Variants in CNTN1 observed in about 807,000 individuals in gnomAD.
CNTN1 encodes contactin-1.
CNTN1 carries 38 observed loss-of-function variants against 126.4 expected under a neutral mutation model. That is an observed-to-expected ratio of 0.30 (90% confidence interval 0.23 to 0.39). The LOEUF (loss-of-function observed/expected upper bound fraction) is 0.39, where lower values mean the gene tolerates loss of function less well. Ranked by LOEUF, CNTN1 falls within the 10% of genes least tolerant of loss-of-function variation. The pLI is 1.00. For synonymous variants in CNTN1, 413 were observed against 422.6 expected, an observed-to-expected ratio of 0.98 and a Z score of 0.28; for missense variants, 1,009 against 1,248.4, an observed-to-expected ratio of 0.81 and a Z score of 2.89.
chr12:40,734,064 A>G (rs554063597), intron 1 of CNTN1, among the ~76,000 whole-genome samples: 37 of 152,234 alleles, frequency 2.4e-4, no homozygotes, highest in African/African-American at 8.7e-4. Flanking sequence ...GTAAAAAGCC[A>G]TATTCATGAA....
intron 17 of CNTN1, among the ~76,000 whole-genome samples, chr12:41,012,138 G>C (rs1360593926): frequency 6.6e-6 from 1 of 152,090 alleles, no homozygotes; most frequent in Non-Finnish European, 1.5e-5. Flanking sequence ...GAGATGCCAT[G>C]TGCTCTCCAG....
At chr12:40,761,175 A>G (rs1244024104) in intron 1 of CNTN1, among the ~76,000 whole-genome samples, 1 of 152,150 alleles carries the variant, frequency 6.6e-6, no homozygotes, top group Non-Finnish European at 1.5e-5. Flanking sequence ...TTCATGTACT[A>G]TGGAGTTGTC....
chr12:41,064,494 T>C (rs1950008558), intron 23 of CNTN1, among the ~76,000 whole-genome samples: 1 of 152,376 alleles, frequency 6.6e-6, no homozygotes, highest in Non-Finnish European at 1.5e-5. Context: ...GTAGTAGGAA[T>C]TGCTACCATT....
intron 1 of CNTN1, among the ~76,000 whole-genome samples, chr12:40,866,042 A>G (rs1943283210): frequency 6.6e-6 from 1 of 151,990 alleles, no homozygotes; most frequent in African/African-American, 2.4e-5. Context: ...TCTTTCATCA[A>G]ATTCTTTCCT....
At chr12:40,766,671 T>C (rs957130586) in intron 1 of CNTN1, among the ~76,000 whole-genome samples, 1 of 152,052 alleles carries the variant, frequency 6.6e-6, no homozygotes, top group Admixed American at 6.5e-5. Flanking sequence ...TATATTAGAG[T>C]GTGATACATG....
chr12:40,920,151 C>A (rs1565948886), intron 4 of CNTN1, among the ~76,000 whole-genome samples: 1 of 152,094 alleles, frequency 6.6e-6, no homozygotes, highest in Non-Finnish European at 1.5e-5. Flanking sequence ...CTTTCAGTGA[C>A]ACTTATGCTG....
At chr12:40,852,772 T>A (rs911631828) in intron 1 of CNTN1, among the ~76,000 whole-genome samples, 1 of 152,130 alleles carries the variant, frequency 6.6e-6, no homozygotes, top group Non-Finnish European at 1.5e-5. Flanking sequence ...TGTGAAAACT[T>A]TATGTATCTC....
chr12:41,005,917 C>T (rs1269340398), intron 17 of CNTN1, among the ~76,000 whole-genome samples: 1 of 152,144 alleles, frequency 6.6e-6, no homozygotes, highest in Non-Finnish European at 1.5e-5. Context: ...AATTCTATTT[C>T]TGTGAATCCA....
At chr12:40,996,585 T>A (rs1194745901) in intron 17 of CNTN1, among the ~76,000 whole-genome samples, 2 of 152,340 alleles carry the variant, frequency 1.3e-5, no homozygotes, top group South Asian at 4.1e-4. Flanking sequence ...CCTTTAAAAA[T>A]TTAATATGCT....
At chr12:40,897,901 C>T (rs186313511) in intron 1 of CNTN1, among the ~76,000 whole-genome samples, 67 of 152,228 alleles carry the variant, frequency 4.4e-4, no homozygotes, top group African/African-American at 1.6e-3. Context: ...GTGAAAGAAA[C>T]AAAAGTTCAA....
At chr12:40,948,361 A>C (rs968920758) in intron 14 of CNTN1, among the ~76,000 whole-genome samples, 11 of 151,362 alleles carry the variant, frequency 7.3e-5, no homozygotes, top group African/African-American at 2.7e-4. Context: ...CCAAAAAAAA[A>C]AAAAAATCTG....
At chr12:40,783,622 C>G (rs1190921874) in intron 1 of CNTN1, among the ~76,000 whole-genome samples, 1 of 152,078 alleles carries the variant, frequency 6.6e-6, no homozygotes, top group East Asian at 1.9e-4. Context: ...GTATTATCAC[C>G]ATTCCAGTAA....
chr12:41,027,918 C>T lies in CNTN1; in HGVS notation c.2772C>T (p.Thr924=), dbSNP rs963590564. 6.2e-7 allele frequency: 1 copy of T among 1,613,850 alleles called. No homozygotes were observed. Among genetic ancestry groups the T allele is most frequent in the Non-Finnish European group, 8.5e-7 (1 of 1,179,780 alleles). Residue 924 remains threonine (T), a synonymous_variant, in exon 22 of 24, where the codon ACC becomes ACT. Transcript: ENST00000551295. ...SVRSGSRYII[T]WDHVVALSNE... Reference sequence around the variant, plus strand: ...GGTCTGGTTCACGCTATATAATCACCTGGGATCATGTCGTTGCACTATCAA... The same window carrying T: ...GGTCTGGTTCACGCTATATAATCACTTGGGATCATGTCGTTGCACTATCAA...
rs539225024 is a variant in CNTN1, at chr12:41,071,058, A to G, written c.*1023A>G. The G allele has an allele frequency of 2.1e-4, 32 of 151,294 alleles. No homozygotes were observed. Among genetic ancestry groups the G allele is most frequent in the African/African-American group, 6.3e-4 (26 of 41,328 alleles). The allele number at this position is 151,294 out of a possible 1,614,324, so 9.4% of individuals were successfully genotyped here. A position where few individuals can be genotyped will look rare whatever the true frequency, so the allele number is the denominator to read the frequency against. Reference sequence around the variant, plus strand: ...AAGTCACCTGTAGGTTGAAAAAGCTACCGTATTCCATTTTGTAAAAATAAC... The same window carrying G: ...AAGTCACCTGTAGGTTGAAAAAGCTGCCGTATTCCATTTTGTAAAAATAAC... On this transcript the variant is annotated 3_prime_UTR_variant, in exon 24 of 24. Transcript: ENST00000551295.
chr12:40,999,799 T>A (rs372434209), intron 17 of CNTN1, among the ~76,000 whole-genome samples: 141 of 149,614 alleles, frequency 9.4e-4, no homozygotes, highest in African/African-American at 3.2e-3. Flanking sequence ...GCCTCCCAGG[T>A]TCACGCCATT....
In CNTN1 at chr12:40,894,765, A is replaced by C. The variant is rs141083226; in HGVS notation, c.-76-13592A>C. Among the ~76,000 whole-genome samples the C allele has an allele frequency of 8.9e-3, 1,353 of 152,302 alleles. 18 individuals carry two copies. The highest frequency in any genetic ancestry group is 0.031 in the African/African-American group (1,281 of 41,554). ...TATAATGCTGGCTTCATGAAGACTT[A>C]TGAAGAAATCAATTCTATGAAATAA... is the stretch of plus-strand genomic sequence containing the variant. On this transcript the variant is annotated intron_variant, in intron 1 of 23. Coordinates refer to ENST00000551295, the MANE Select transcript of CNTN1 (RefSeq NM_001843.4).
chr12:40,971,850 G>A (rs919315876), intron 15 of CNTN1: 7 of 1,121,112 alleles, frequency 6.2e-6, no homozygotes, highest in Non-Finnish European at 7.6e-6. Flanking sequence ...ATGAAGAACT[G>A]ATGAATTGTA....
intron 1 of CNTN1, among the ~76,000 whole-genome samples, chr12:40,858,465 G>C (rs990324705): frequency 6.6e-6 from 1 of 152,162 alleles, no homozygotes; most frequent in African/African-American, 2.4e-5. Context: ...ACGCCAGTCA[G>C]AAGGGCAATT....
chr12:40,948,977 T>C (rs548054508), intron 14 of CNTN1, among the ~76,000 whole-genome samples: 1 of 152,218 alleles, frequency 6.6e-6, no homozygotes. Flanking sequence ...GCATTTTTTC[T>C]GAGTGCATAA....
Sources: gnomAD v4.1 joint callset for allele counts (sites outside exome capture counted in the v4.1 genomes callset) on GRCh38, gnomAD v4.1.1 for gene constraint, MANE v1.5 for transcripts, NCBI Gene and HGNC (gene_info 2026-07-23, HGNC 2026-07-21) for gene names.